The following OTUD7A variants were observed in gnomAD, a reference collection of about 807,000 sequenced individuals.
The protein encoded by OTUD7A is OTU deubiquitinase 7A.
Under a neutral mutation model 65.7 loss-of-function variants are expected in OTUD7A, and 12 were observed. The observed-to-expected ratio is 0.18, with a 90% CI of 0.12 to 0.30. The LOEUF is 0.30. Among genes scored for constraint, OTUD7A ranks in the 10% least tolerant of loss-of-function variants. The probability of loss-of-function intolerance (pLI) is 1.00; values close to 1 mark genes in which losing one functional copy is unlikely to be tolerated. For missense variants in OTUD7A, 1,148 were observed against 1,304.8 expected, an observed-to-expected ratio of 0.88 and a Z score of 1.85; for synonymous variants, 641 against 586.3, an observed-to-expected ratio of 1.09 and a Z score of -1.35.
At chr15:31,721,522 C>T (rs1313939452) in intron 1 of OTUD7A, among the ~76,000 whole-genome samples, 2 of 151,986 alleles carry the variant, frequency 1.3e-5, no homozygotes, top group East Asian at 3.9e-4. Context: ...TCCTCCCTTA[C>T]AGTGGTCTTC....
At position 31,501,796 on chromosome 15, in the gene OTUD7A, C is replaced by T; in HGVS notation, c.1065G>A (p.Glu355=). The change falls in exon 10 of 13, where the codon GAG becomes GAA. Residue 355 remains glutamate (E), a synonymous_variant. Coordinates refer to ENST00000307050, the MANE Select transcript of OTUD7A (RefSeq NM_001382637.1). The part of the protein sequence containing the change: ...IPFGGIYLPL[E]VPPNRCHCSP... ...AGCAGTGGCATCTGTTGGGAGGGAC[C>T]TCCAAGGGCAGGTAGATCCCTCCGA... The T allele has an allele frequency of 6.2e-7, 1 of 1,614,112 alleles. No individual in the cohort carries two copies. Among genetic ancestry groups the T allele is most frequent in the Non-Finnish European group, 8.5e-7 (1 of 1,179,982 alleles).
At chr15:31,559,329 C>T in intron 4 of OTUD7A, 142 bp from the exon 5 acceptor site, 1 of 745,846 alleles carries the variant, frequency 1.3e-6, no homozygotes, top group South Asian at 1.8e-5. Flanking sequence ...CATGCACATA[C>T]CACACAACAC....
intron 1 of OTUD7A, among the ~76,000 whole-genome samples, chr15:31,666,654 ATTTCC>A (rs1344580658): frequency 1.3e-5 from 2 of 151,248 alleles, no homozygotes; most frequent in Non-Finnish European, 2.9e-5. Flanking sequence ...GATCTTGGTT[ATTTCC>A]TTTCTTCTGC....
chr15:31,711,150 T>C (rs1595720098), intron 1 of OTUD7A, among the ~76,000 whole-genome samples: 1 of 151,292 alleles, frequency 6.6e-6, no homozygotes, highest in South Asian at 2.1e-4. Flanking sequence ...ATTTAATATG[T>C]ATGTTTTTCT....
rs773568739 is a variant in OTUD7A, at chr15:31,526,506, C to T, written c.781-45G>A. The T allele has an allele frequency of 1.3e-4, 190 of 1,444,656 alleles. 6 individuals carry two copies. The highest frequency in any genetic ancestry group is 3.2e-4 in the South Asian group (24 of 75,902). The allele number at this position is 1,444,656 out of a possible 1,614,324, so 89.5% of individuals were successfully genotyped here. ...TCAGAAGGGGGGTGGGCCACAGCTG[C>T]GCTGCCCTCCTCTCCTCACCCTCCC... On this transcript the variant is annotated intron_variant, in intron 7 of 12. Coordinates refer to ENST00000307050, the MANE Select transcript of OTUD7A (RefSeq NM_001382637.1).
intron 1 of OTUD7A, among the ~76,000 whole-genome samples, chr15:31,802,421 G>A (rs1003525846): frequency 6.6e-6 from 1 of 152,084 alleles, no homozygotes; most frequent in South Asian, 2.1e-4. Context: ...ATTAAGGGTA[G>A]GTCTGCCTTT....
chr15:31,515,587 C>T (rs1412118542), intron 8 of OTUD7A, among the ~76,000 whole-genome samples: 1 of 152,008 alleles, frequency 6.6e-6, no homozygotes, highest in East Asian at 1.9e-4. Context: ...TCTATCCATC[C>T]ATTCATCCAT....
intron 1 of OTUD7A, among the ~76,000 whole-genome samples, chr15:31,672,017 G>A (rs2141296822): frequency 6.6e-6 from 1 of 152,242 alleles, no homozygotes; most frequent in African/African-American, 2.4e-5. Flanking sequence ...AGAACACGCG[G>A]CATTTGGTTT....
At chr15:31,558,884 C>G (rs775357933) in intron 5 of OTUD7A, 85 bp downstream of exon 5, 1 of 1,415,776 alleles carries the variant, frequency 7.1e-7, no homozygotes, top group Admixed American at 1.9e-5. Context: ...GAACATGTGC[C>G]CTTCTCTTGC....
intron 1 of OTUD7A, among the ~76,000 whole-genome samples, chr15:31,822,848 G>A (rs1211605882): frequency 6.6e-6 from 1 of 152,126 alleles, no homozygotes. Context: ...GGAGGGGAAG[G>A]CTGCGTACCC....
At chr15:31,490,870 G>C (rs1346464973) in intron 10 of OTUD7A, among the ~76,000 whole-genome samples, 2 of 152,118 alleles carry the variant, frequency 1.3e-5, no homozygotes, top group Admixed American at 6.5e-5. Context: ...CAAACACTGG[G>C]TGCACTAAGG....
At chr15:31,601,402 T>C (rs535310963) in intron 3 of OTUD7A, among the ~76,000 whole-genome samples, 15 of 152,274 alleles carry the variant, frequency 9.9e-5, no homozygotes, top group Non-Finnish European at 1.9e-4. Context: ...AAGATGTCCT[T>C]TGAAACCAAT....
chr15:31,592,917 ATATATATATATATATATATG>A lies in OTUD7A; in HGVS notation c.152-22740_152-22721del, dbSNP rs1889786508. Reference sequence around the variant, plus strand: ...AAAAAAAAAAAAAATATATATATATATATATATATATATATATATGTATATATACACGTGTATATATATAT... The same window carrying A: ...AAAAAAAAAAAAAATATATATATATATATATATACACGTGTATATATATAT... On this transcript the variant is annotated intron_variant, in intron 3 of 12. Transcript: ENST00000307050. 7.9e-5 allele frequency among the ~76,000 whole-genome samples: 5 copies of A among 63,276 alleles called. No homozygotes were observed. In the South Asian group the frequency reaches 2.4e-3, roughly 30 times the overall value. The allele number at this position is 63,276 out of a possible 152,430, so 41.5% of individuals were successfully genotyped here.
At chr15:31,571,762 A>G (rs1566925848) in intron 3 of OTUD7A, among the ~76,000 whole-genome samples, 1 of 152,180 alleles carries the variant, frequency 6.6e-6, no homozygotes, top group Non-Finnish European at 1.5e-5. Flanking sequence ...TAAGCAACGG[A>G]GCTGAGATTC....
chr15:31,591,771 A>C (rs1889731977), intron 3 of OTUD7A, among the ~76,000 whole-genome samples: 1 of 152,212 alleles, frequency 6.6e-6, no homozygotes. Context: ...TGTGCCACTT[A>C]ACAATGGAAA....
chr15:31,502,834 C>T (rs763688475), intron 9 of OTUD7A, among the ~76,000 whole-genome samples: 5 of 152,220 alleles, frequency 3.3e-5, no homozygotes, highest in Admixed American at 1.3e-4. Flanking sequence ...AGGGGGTGGG[C>T]CAGGCAGGAC....
intron 1 of OTUD7A, among the ~76,000 whole-genome samples, chr15:31,778,484 G>T (rs1328319993): frequency 1.3e-5 from 2 of 152,230 alleles, no homozygotes; most frequent in Non-Finnish European, 2.9e-5. Flanking sequence ...ACATGCTCTA[G>T]TTGACCAATG....
At chr15:31,715,497 C>T (rs1234056616) in intron 1 of OTUD7A, among the ~76,000 whole-genome samples, 1 of 151,472 alleles carries the variant, frequency 6.6e-6, no homozygotes, top group Admixed American at 6.6e-5. Context: ...TGCTGAACTA[C>T]ATTCCCCATT....
chr15:31,511,009 T>C lies in OTUD7A; in HGVS notation c.894-7191A>G, dbSNP rs549579998. Among the ~76,000 whole-genome samples the C allele has an allele frequency of 7.8e-4, 36 of 46,062 alleles. 11 individuals carry two copies. The highest frequency in any genetic ancestry group is 4.0e-3 in the South Asian group (9 of 2,228). 30.2% of individuals were successfully genotyped at this position (46,062 alleles called of 152,430 possible). A position where few individuals can be genotyped will look rare whatever the true frequency, so the allele number is the denominator to read the frequency against. ...TATATGTAACATATGTATATCTATA[T>C]GTAACATACATGTATATCTATATGT... is the stretch of plus-strand genomic sequence containing the variant. On this transcript the variant is annotated intron_variant, in intron 8 of 12. Transcript: ENST00000307050.
Sources: gnomAD v4.1 joint callset for allele counts (sites outside exome capture counted in the v4.1 genomes callset) on GRCh38, gnomAD v4.1.1 for gene constraint, MANE v1.5 for transcripts, NCBI Gene and HGNC (gene_info 2026-07-23, HGNC 2026-07-21) for gene names.